Variants in TUSC3 observed in about 807,000 individuals in gnomAD.
The protein encoded by TUSC3 is dolichyl-diphosphooligosaccharide--protein glycosyltransferase subunit TUSC3.
Under a neutral mutation model 44.8 loss-of-function variants are expected in TUSC3, and 45 were observed. That is an observed-to-expected ratio of 1.00 (90% CI 0.79 to 1.29). TUSC3 has a LOEUF of 1.29. Ranked by LOEUF, TUSC3 falls within the 50% of genes most tolerant of loss-of-function variation. The pLI is 0.00. For missense variants in TUSC3, 519 were observed against 437.9 expected (o/e 1.19, Z -1.65); for synonymous variants, 212 against 152.9 (o/e 1.39, Z -2.85).
chr8:15,418,933 GA>G (rs1470128923), intron 1 of TUSC3, among the ~76,000 whole-genome samples: 1 of 152,136 alleles, frequency 6.6e-6, no homozygotes, highest in Non-Finnish European at 1.5e-5. Context: ...ATGAGCCCTG[GA>G]GGTTGAGGCT....
At chr8:15,611,616 G>A (rs556096066) in intron 1 of TUSC3, among the ~76,000 whole-genome samples, 102 of 152,208 alleles carry the variant, frequency 6.7e-4, no homozygotes, top group African/African-American at 2.3e-3. Context: ...TCTTTATGGC[G>A]TGTGTGCTGT....
rs956843692 is a variant in TUSC3, at chr8:15,546,463, A to G, written c.138+5895A>G. Among the ~76,000 whole-genome samples, 46 of 151,738 alleles carry G rather than the reference A, an allele frequency of 3.0e-4. 3 individuals are homozygous for G. The highest frequency in any genetic ancestry group is 2.6e-4 in the Admixed American group (4 of 15,186). ...TACAAGAAGTATTACTGTTTTTTTT[A>G]CATAGATAAGTAAGACATATATAAA... On this transcript the variant is annotated intron_variant, in intron 1 of 10. Transcript: ENST00000503731.
chr8:15,695,869 G>T (rs1809136564), intron 6 of TUSC3, among the ~76,000 whole-genome samples: 1 of 152,168 alleles, frequency 6.6e-6, no homozygotes, highest in South Asian at 2.1e-4. Context: ...ATGATTTAGG[G>T]TATGTGGTGG....
intron 1 of TUSC3, among the ~76,000 whole-genome samples, chr8:15,444,096 T>C (rs1800059320): frequency 1.3e-5 from 2 of 152,230 alleles, no homozygotes. Flanking sequence ...GCGATTCCCC[T>C]GTCTAGTGTC....
chr8:15,756,199 C>G (rs7830913), intron 9 of TUSC3, among the ~76,000 whole-genome samples: 39,976 of 152,076 alleles, frequency 0.26, 5,944 homozygotes, highest in Non-Finnish European at 0.33. Context: ...TTTGGTTCCT[C>G]TTAACTAACT....
At chr8:15,627,754 G>A (rs777709444) in intron 2 of TUSC3, among the ~76,000 whole-genome samples, 1 of 152,244 alleles carries the variant, frequency 6.6e-6, no homozygotes, top group African/African-American at 2.4e-5. Context: ...TCCTGGAGCT[G>A]CACGCCCTGC....
At chr8:15,453,882 A>T (rs191755140) in intron 1 of TUSC3, among the ~76,000 whole-genome samples, 52 of 152,292 alleles carry the variant, frequency 3.4e-4, no homozygotes, top group Middle Eastern at 3.4e-3. Context: ...CTCTCTATAG[A>T]TAGAAACACC....
At chr8:15,617,130 G>GTGTGTGTGTGTGTGTGTGTT (rs1398545858) in intron 1 of TUSC3, among the ~76,000 whole-genome samples, 3 of 75,110 alleles carry the variant, frequency 4.0e-5, no homozygotes, top group Non-Finnish European at 9.3e-5. Flanking sequence ...ATGTGTGTGT[G>GTGTGTGTGTGTGTGTGTGTT]TGTATATATT....
intron 1 of TUSC3, among the ~76,000 whole-genome samples, chr8:15,482,642 T>C (rs1005979688): frequency 6.6e-6 from 1 of 152,172 alleles, no homozygotes. Flanking sequence ...CTGCAGGCCA[T>C]AGATCAAAGA....
intron 3 of TUSC3, among the ~76,000 whole-genome samples, chr8:15,653,452 A>G (rs1807009597): frequency 6.6e-6 from 1 of 152,224 alleles, no homozygotes; most frequent in South Asian, 2.1e-4. Flanking sequence ...TCATATAAAT[A>G]AATGGTTACA....
At chr8:15,426,640 A>G (rs981812358) in intron 1 of TUSC3, among the ~76,000 whole-genome samples, 3 of 152,234 alleles carry the variant, frequency 2.0e-5, no homozygotes, top group African/African-American at 4.8e-5. Flanking sequence ...TCTTCTGTCA[A>G]TGGACACTTG....
chr8:15,530,335 A>G (rs1416777961), intron 2 of TUSC3, among the ~76,000 whole-genome samples: 1 of 152,122 alleles, frequency 6.6e-6, no homozygotes, highest in Non-Finnish European at 1.5e-5. Context: ...AGTGTCTGGC[A>G]TAGTGGATAA....
At chr8:15,553,817 G>C (rs948572698) in intron 1 of TUSC3, among the ~76,000 whole-genome samples, 2 of 151,738 alleles carry the variant, frequency 1.3e-5, no homozygotes, top group Non-Finnish European at 2.9e-5. Context: ...TCAGGTGACT[G>C]AGAAGGTAGG....
intron 1 of TUSC3, among the ~76,000 whole-genome samples, chr8:15,605,514 A>G (rs920494514): frequency 5.9e-5 from 9 of 152,100 alleles, no homozygotes; most frequent in Admixed American, 4.6e-4. Flanking sequence ...CTATTTATAC[A>G]TAGATTTTTT....
At chr8:15,687,227 A>G (rs1390125630) in intron 6 of TUSC3, among the ~76,000 whole-genome samples, 1 of 152,054 alleles carries the variant, frequency 6.6e-6, no homozygotes, top group Non-Finnish European at 1.5e-5. Context: ...TTTGTTAGGT[A>G]CTCTGTTTCC....
intron 2 of TUSC3, among the ~76,000 whole-genome samples, chr8:15,492,099 G>T (rs1244638389): frequency 1.3e-5 from 2 of 152,098 alleles, no homozygotes; most frequent in Non-Finnish European, 2.9e-5. Context: ...TAAACCATTT[G>T]TTGAGTACTT....
At chr8:15,586,504 A>G (rs758229575) in intron 1 of TUSC3, among the ~76,000 whole-genome samples, 6 of 152,084 alleles carry the variant, frequency 3.9e-5, no homozygotes, top group Non-Finnish European at 8.8e-5. Context: ...GTCTGGGAAT[A>G]ATTGGTTTCC....
At chr8:15,745,138 A>G (rs1158614893) in intron 8 of TUSC3, among the ~76,000 whole-genome samples, 1 of 152,074 alleles carries the variant, frequency 6.6e-6, no homozygotes, top group Non-Finnish European at 1.5e-5. Flanking sequence ...TTTTGGCTGC[A>G]TAGTATTCCA....
At chr8:15,809,211 G>C in the TUSC3 span, among the ~76,000 whole-genome samples, 29 of 152,256 alleles carry the variant, frequency 1.9e-4, 1 homozygote, top group Admixed American at 5.9e-4. Context: ...AGATATCTGG[G>C]CACCAGTGAG....
Sources: gnomAD v4.1 joint callset for allele counts (sites outside exome capture counted in the v4.1 genomes callset) on GRCh38, gnomAD v4.1.1 for gene constraint, MANE v1.5 for transcripts, NCBI Gene and HGNC (gene_info 2026-07-23, HGNC 2026-07-21) for gene names.